PLEKHA6: variants seen among roughly 807,000 people sequenced by gnomAD.
PLEKHA6 encodes pleckstrin homology domain containing A6.
PLEKHA6 carries 60 observed loss-of-function variants against 116.7 expected under a neutral mutation model. The ratio of observed to expected loss-of-function variants is 0.51; its 90% CI spans 0.42 to 0.64. The LOEUF (loss-of-function observed/expected upper bound fraction) is 0.64, where lower values mean the gene tolerates loss of function less well. PLEKHA6 is among the 30% of genes least tolerant of loss of function. The pLI is 0.00. For synonymous variants in PLEKHA6, 489 were observed against 556.1 expected, an observed-to-expected ratio of 0.88 and a Z score of 1.70; for missense variants, 1,338 against 1,422.7, an observed-to-expected ratio of 0.94 and a Z score of 0.96.
intron 6 of PLEKHA6, among the ~76,000 whole-genome samples, chr1:204,264,016 A>G (rs1666479202): frequency 6.6e-6 from 1 of 152,162 alleles, no homozygotes; most frequent in African/African-American, 2.4e-5. Context: ...GAAGGGACAG[A>G]GTCCCTTCTT....
chr1:204,357,740 A>C (rs1392335049), intron 1 of PLEKHA6, among the ~76,000 whole-genome samples: 1 of 152,008 alleles, frequency 6.6e-6, no homozygotes, highest in African/African-American at 2.4e-5. Context: ...CAGCCTGTTC[A>C]GCACCAGTTG....
intron 2 of PLEKHA6, among the ~76,000 whole-genome samples, chr1:204,370,505 A>G (rs961020509): frequency 1.3e-5 from 2 of 152,262 alleles, no homozygotes; most frequent in Non-Finnish European, 2.9e-5. Context: ...ATGGCTGTTC[A>G]GTTAAAGTAC....
intron 17 of PLEKHA6, among the ~76,000 whole-genome samples, chr1:204,232,374 T>C (rs1306774546): frequency 3.3e-5 from 5 of 152,190 alleles, no homozygotes; most frequent in Non-Finnish European, 7.4e-5. Context: ...AAGAAACTCA[T>C]TGTAGGAAAA....
intron 3 of PLEKHA6, among the ~76,000 whole-genome samples, chr1:204,269,660 C>A (rs1328841808): frequency 2.6e-5 from 4 of 152,162 alleles, no homozygotes; most frequent in Admixed American, 6.5e-5. Flanking sequence ...CAATGTCACA[C>A]CCTTTTACCT....
chr1:204,282,773 G>T (rs948018802), intron 1 of PLEKHA6: 1 of 985,406 alleles, frequency 1.0e-6, no homozygotes, highest in Non-Finnish European at 1.2e-6. Flanking sequence ...GCTCCCTGGA[G>T]CTCCTCCTTG....
At chr1:204,359,337 G>A (rs888026380) in intron 1 of PLEKHA6, among the ~76,000 whole-genome samples, 4 of 152,080 alleles carry the variant, frequency 2.6e-5, no homozygotes, top group Admixed American at 6.5e-5. Context: ...TTAAAGGGAG[G>A]GTGGGCTGGC....
At chr1:204,331,408 G>A (rs1005387742) in intron 1 of PLEKHA6, among the ~76,000 whole-genome samples, 33 of 152,070 alleles carry the variant, frequency 2.2e-4, no homozygotes, top group African/African-American at 7.7e-4. Flanking sequence ...CCAGCCCAGC[G>A]ACCCATGCTA....
intron 1 of PLEKHA6, among the ~76,000 whole-genome samples, chr1:204,314,267 G>C (rs1298655978): frequency 1.3e-5 from 2 of 152,216 alleles, no homozygotes; most frequent in Non-Finnish European, 2.9e-5. Context: ...CTGTGTCTCA[G>C]AGTCCTGTTG....
At chr1:204,305,556 T>A (rs1671218468) in intron 1 of PLEKHA6, among the ~76,000 whole-genome samples, 1 of 152,162 alleles carries the variant, frequency 6.6e-6, no homozygotes, top group African/African-American at 2.4e-5. Context: ...AGAAGAGGGA[T>A]CAGTAAACAC....
intron 1 of PLEKHA6, among the ~76,000 whole-genome samples, chr1:204,376,264 T>C (rs11240732): frequency 0.32 from 48,132 of 152,050 alleles, 7,939 homozygotes; most frequent in African/African-American, 0.41. Flanking sequence ...GAGGGGCTCA[T>C]GGAAATTCAC....
chr1:204,244,724 G>T, intron 15 of PLEKHA6, 140 bp downstream of exon 15: 1 of 562,860 alleles, frequency 1.8e-6, no homozygotes. Context: ...GTGTGAGAAT[G>T]ACCTCCTTAA....
At chr1:204,349,043 G>A (rs1488495456) in intron 1 of PLEKHA6, among the ~76,000 whole-genome samples, 1 of 152,130 alleles carries the variant, frequency 6.6e-6, no homozygotes, top group Admixed American at 6.5e-5. Context: ...CCTCAGACAC[G>A]GAGGGAACAC....
intron 3 of PLEKHA6, among the ~76,000 whole-genome samples, chr1:204,272,074 A>G (rs566103030): frequency 1.3e-5 from 2 of 152,196 alleles, no homozygotes; most frequent in East Asian, 3.9e-4. Context: ...AATGTGGCAC[A>G]TGTATCACGT....
intron 1 of PLEKHA6, among the ~76,000 whole-genome samples, chr1:204,288,812 G>C (rs1022433719): frequency 6.6e-6 from 1 of 152,174 alleles, no homozygotes; most frequent in African/African-American, 2.4e-5. Flanking sequence ...ACTAGGAATT[G>C]TAATAGAGAT....
chr1:204,256,818 G>A (rs61739298), intron 9 of PLEKHA6: 10,465 of 653,188 alleles, frequency 0.016, 122 homozygotes, highest in Non-Finnish European at 0.021. Flanking sequence ...ATCGTGGACC[G>A]TGGGGGATGG....
chr1:204,232,607 T>C lies in PLEKHA6; in HGVS notation c.2410-2021A>G, dbSNP rs148233061. On this transcript the variant is annotated intron_variant, in intron 17 of 22. Coordinates refer to ENST00000272203, the MANE Select transcript of PLEKHA6 (RefSeq NM_014935.5). ...TTGTACAGAAAGGACAGAGATAAGATGAAATGGAAAATGAAAATAACTATG... is the reference window on the plus strand; with the variant it reads ...TTGTACAGAAAGGACAGAGATAAGACGAAATGGAAAATGAAAATAACTATG... Among the ~76,000 whole-genome samples, 44 of 152,206 alleles carry C rather than the reference T, an allele frequency of 2.9e-4. No individual in the cohort carries two copies. The East Asian group carries it at 7.7e-3, about 27-fold the overall frequency.
Position 204,264,988 on chromosome 1 carries a change from G to A in PLEKHA6, c.335C>T (p.Ala112Val). Residue 112 changes from alanine (A) to valine (V), a missense_variant, in exon 6 of 23, where the codon GCC becomes GTC. By Grantham distance (64) the Ala-to-Val change is moderately conservative. Transcript: ENST00000272203. The stretch of plus-strand genomic sequence containing the variant: ...GATGTTGTCTGAGGGCTGCACTGCG[G>A]CTACCCGGAAGCTCAGGAGGGGGAT... Reference protein sequence around the residue: ...GSIPLLSFRVAAVQPSDNISR... With the variant: ...GSIPLLSFRVVAVQPSDNISR... 1.9e-6 allele frequency: 3 copies of A among 1,614,156 alleles called. No homozygotes were observed. The highest frequency in any genetic ancestry group is 2.5e-6 in the Non-Finnish European group (3 of 1,179,964).
At chr1:204,338,343 G>A (rs757430308) in intron 1 of PLEKHA6, among the ~76,000 whole-genome samples, 2 of 152,178 alleles carry the variant, frequency 1.3e-5, no homozygotes, top group Non-Finnish European at 2.9e-5. Flanking sequence ...AAAGCTCCTA[G>A]CCTGCTCTGT....
In PLEKHA6 at chr1:204,229,051, G is replaced by C. The variant is rs1270680328; in HGVS notation, c.2637C>G (p.Ala879=). The C allele has an allele frequency of 3.1e-6, 5 of 1,614,024 alleles. No individual in the cohort carries two copies. In the African/African-American group the frequency reaches 4.0e-5, roughly 13 times the overall value. The part of the protein sequence containing the change: ...HEVDISNLEA[A]LRAEEPGGHA... ...GCCCGCCAGGCTCCTCTGCCCGCAG[G>C]GCTGCCTCCAGGTTGGAGATGTCTA... The change falls in exon 19 of 23, where the codon GCC becomes GCG. Residue 879 remains alanine (A), a synonymous_variant. Transcript: ENST00000272203.
Sources: allele counts gnomAD v4.1 joint callset (sites outside exome capture counted in the v4.1 genomes callset), GRCh38; gene constraint gnomAD v4.1.1; transcripts MANE v1.5; gene names NCBI Gene and HGNC (gene_info 2026-07-23, HGNC 2026-07-21).